Variants in MARF1 observed in about 807,000 individuals in gnomAD.
MARF1 encodes limkain-b1.
MARF1 carries 24 observed loss-of-function variants against 168.2 expected under a neutral mutation model. The observed-to-expected ratio is 0.14, with a 90% CI of 0.10 to 0.20. MARF1 has a LOEUF of 0.20. Among genes scored for constraint, MARF1 ranks in the 10% least tolerant of loss-of-function variants. The pLI is 1.00. For missense variants in MARF1, 1,744 were observed against 2,143.6 expected, an observed-to-expected ratio of 0.81 and a Z score of 3.68; for synonymous variants, 868 against 822.4, an observed-to-expected ratio of 1.06 and a Z score of -0.95.
rs1432648385 is a variant in MARF1, at chr16:15,600,476, G to A, written c.4765C>T (p.Pro1589Ser). 1 of 1,614,142 alleles carries A rather than the reference G, an allele frequency of 6.2e-7. No homozygotes were observed. Among genetic ancestry groups the A allele is most frequent in the East Asian group, 2.2e-5 (1 of 44,878 alleles). ...AGTTCCGAGGCTGTGTGCGATTCGG[G>A]CACCTCCAGGATGCGCTCGCCCTCC... is the stretch of plus-strand genomic sequence containing the variant. ...PSEGERILEV[P>S]ESHTASELKL... Residue 1589 changes from proline (P) to serine (S), a missense_variant, in exon 25 of 27, where the codon CCC becomes TCC. Around this residue, in one of 7 missense-constraint regions of MARF1, gnomAD observed 313 missense variants for 337.4 expected, o/e 0.93. Transcript: ENST00000396368.
chr16:15,598,761 C>A, intron 26 of MARF1, 93 bp downstream of exon 26: 1 of 1,282,082 alleles, frequency 7.8e-7, no homozygotes, highest in South Asian at 1.3e-5. Flanking sequence ...GGGGTAGTCC[C>A]TTCCCACCTC....
intron 13 of MARF1, among the ~76,000 whole-genome samples, chr16:15,620,063 G>A (rs910354277): frequency 3.3e-5 from 5 of 152,298 alleles, no homozygotes; most frequent in Non-Finnish European, 5.9e-5. Flanking sequence ...TACTCGGGAG[G>A]CTGAGGCATG....
Position 15,635,943 on chromosome 16 carries a change from C to G in MARF1, c.544G>C (p.Glu182Gln). The change falls in exon 3 of 27, where the codon GAG becomes CAG. Residue 182 changes from glutamate to glutamine, a missense_variant. This residue lies in a region of MARF1 where 318 missense variants were observed against 336.6 expected (regional missense o/e 0.94). Transcript: ENST00000396368. The part of the protein sequence containing the change: ...IASDFPSMCL[E>Q]SNLSSCKHLP... Reference sequence around the variant, plus strand: ...TGTTTGCAGGAAGACAGGTTACTCTCTAGACACATGCTGGGAAAGTCACTT... The same window carrying G: ...TGTTTGCAGGAAGACAGGTTACTCTGTAGACACATGCTGGGAAAGTCACTT... 6.2e-7 allele frequency: 1 copy of G among 1,614,126 alleles called. No homozygotes were observed. The highest frequency in any genetic ancestry group is 8.5e-7 in the Non-Finnish European group (1 of 1,180,040).
intron 4 of MARF1, among the ~76,000 whole-genome samples, chr16:15,634,529 A>G (rs2035457884): frequency 6.6e-6 from 1 of 152,070 alleles, no homozygotes; most frequent in South Asian, 2.1e-4. Context: ...TATACTACCA[A>G]TTTTTCTATA....
chr16:15,611,294 T>TA (rs1555523105), intron 18 of MARF1, among the ~76,000 whole-genome samples, 186 bp from the exon 19 acceptor site: 3 of 151,646 alleles, frequency 2.0e-5, no homozygotes, highest in Non-Finnish European at 4.4e-5. Flanking sequence ...CCGTCTCTAC[T>TA]AAAAAATAGA....
rs1329440070 is a variant in MARF1, at chr16:15,595,285, G to A, written c.*1408C>T. 6.6e-6 allele frequency: 1 copy of A among 152,470 alleles called. No individual in the cohort carries two copies. The highest frequency in any genetic ancestry group is 6.5e-5 in the Admixed American group (1 of 15,270). 9.4% of individuals were successfully genotyped at this position (152,470 alleles called of 1,614,324 possible). On this transcript the variant is annotated 3_prime_UTR_variant, in exon 27 of 27. Coordinates refer to ENST00000396368, the MANE Select transcript of MARF1 (RefSeq NM_014647.4). The stretch of plus-strand genomic sequence containing the variant: ...TCTGACTTGTAAAAATCTCTCTATA[G>A]CCCTTATTTTGTGGCATTTTATCAA...
At chr16:15,608,849 A>C in intron 20 of MARF1, 1 of 337,300 alleles carries the variant, frequency 3.0e-6, no homozygotes, top group Non-Finnish European at 5.5e-6. Context: ...TTAACTTAGC[A>C]ACAGCGAACA....
At chr16:15,626,707 C>T (rs1007387288) in intron 7 of MARF1, among the ~76,000 whole-genome samples, 5 of 152,026 alleles carry the variant, frequency 3.3e-5, no homozygotes, top group Admixed American at 6.5e-5. Flanking sequence ...CGCCTGTCAT[C>T]GCAACACTCT....
At chr16:15,608,602 A>G (rs2033236693) in intron 20 of MARF1, 84 bp from the exon 21 acceptor site, 3 of 980,454 alleles carry the variant, frequency 3.1e-6, no homozygotes, top group Non-Finnish European at 4.6e-6. Flanking sequence ...TGCAGCTAGT[A>G]ATGAAAAAAC....
At chr16:15,612,960 A>T (rs1056063294) in intron 16 of MARF1, among the ~76,000 whole-genome samples, 183 bp from the exon 17 acceptor site, 3 of 152,220 alleles carry the variant, frequency 2.0e-5, no homozygotes, top group Admixed American at 6.5e-5. Flanking sequence ...CTAGCTAACT[A>T]ACTTATTCAC....
chr16:15,640,856 G>A (rs1307939041), intron 1 of MARF1, among the ~76,000 whole-genome samples: 1 of 152,090 alleles, frequency 6.6e-6, no homozygotes, highest in Non-Finnish European at 1.5e-5. Flanking sequence ...AGACTGTATG[G>A]CCCACAAAGC....
chr16:15,609,340 A>G (rs1307776930), intron 20 of MARF1, among the ~76,000 whole-genome samples, 183 bp downstream of exon 20: 1 of 152,212 alleles, frequency 6.6e-6, no homozygotes, highest in Non-Finnish European at 1.5e-5. Flanking sequence ...TTGAAGGAAA[A>G]AGCCATATTT....
chr16:15,608,286 T>C lies in MARF1; in HGVS notation c.4182+5A>G. 1.0e-6 allele frequency: 1 copy of C among 1,002,574 alleles called. No individual in the cohort carries two copies. Among genetic ancestry groups the C allele is most frequent in the Non-Finnish European group, 1.5e-6 (1 of 664,430 alleles). The allele number at this position is 1,002,574 out of a possible 1,614,324, so 62.1% of individuals were successfully genotyped here. ...AAAAAAAAAAAAAAAAAAAAAAACATTTACCTTCACGACATGGCAGAGTTT... is the reference window on the plus strand; with the variant it reads ...AAAAAAAAAAAAAAAAAAAAAAACACTTACCTTCACGACATGGCAGAGTTT... On this transcript the variant is annotated splice_donor_5th_base_variant and intron_variant, in intron 21 of 26. Transcript: ENST00000396368.
In MARF1 at chr16:15,625,069, C is replaced by T. The variant is rs2034747577; in HGVS notation, c.2058G>A (p.Val686=). 3 of 1,614,102 alleles carry T rather than the reference C, an allele frequency of 1.9e-6. No homozygotes were observed. The change falls in exon 9 of 27, where the codon GTG becomes GTA. Residue 686 remains valine (V), a synonymous_variant. Transcript: ENST00000396368. ...VPTHGNSSAA[V]STPKNSGVAE... ...CCACCCCCGAGTTTTTCGGCGTCGA[C>T]ACTGCAGCACTTGAGTTACCGTGAG...
Position 15,639,298 on chromosome 16 carries a change from A to T in MARF1, c.-58-7T>A. The T allele has an allele frequency of 6.6e-7, 1 of 1,525,034 alleles. No individual in the cohort carries two copies. Among genetic ancestry groups the T allele is most frequent in the Non-Finnish European group, 8.9e-7 (1 of 1,128,062 alleles). The allele number at this position is 1,525,034 out of a possible 1,614,324, so 94.5% of individuals were successfully genotyped here. On this transcript the variant is annotated splice_polypyrimidine_tract_variant and splice_region_variant and intron_variant, in intron 1 of 26. Coordinates refer to ENST00000396368, the MANE Select transcript of MARF1 (RefSeq NM_014647.4). Reference sequence around the variant, plus strand: ...TTTCTTTCATTCTTCCACCCTGTTAAGAATGAGTAAGATTTCAGTGTTATT... The same window carrying T: ...TTTCTTTCATTCTTCCACCCTGTTATGAATGAGTAAGATTTCAGTGTTATT...
chr16:15,612,021 G>C (rs1341824265), intron 17 of MARF1, among the ~76,000 whole-genome samples: 1 of 152,198 alleles, frequency 6.6e-6, no homozygotes, highest in African/African-American at 2.4e-5. Flanking sequence ...CGTGAGTACA[G>C]AAATGAAAAC....
At chr16:15,629,874 A>G (rs999645996) in intron 7 of MARF1, among the ~76,000 whole-genome samples, 1 of 152,238 alleles carries the variant, frequency 6.6e-6, no homozygotes, top group African/African-American at 2.4e-5. Flanking sequence ...TAGAAAGCAC[A>G]GACTCAGAGG....
Position 15,608,325 on chromosome 16 carries a change from G to A in MARF1, c.4148C>T (p.Ser1383Leu), listed in dbSNP as rs779042389. The A allele has an allele frequency of 1.5e-5, 23 of 1,577,806 alleles. No individual in the cohort carries two copies. In the Admixed American group the frequency reaches 2.2e-4, roughly 15 times the overall value. The change falls in exon 21 of 27, where the codon TCG (serine) becomes TTG (leucine). Residue 1383 changes from serine (S) to leucine (L), a missense_variant. Ser to Leu is a moderately radical substitution (Grantham distance 145). Around this residue, in one of 7 missense-constraint regions of MARF1, gnomAD observed 543 missense variants for 742.1 expected, o/e 0.73. Transcript: ENST00000396368. ...ATGGCAGAGTTTCTGAGTTAAAGCCGAAATGGAACTGACATCATAGTCTTG... is the reference window on the plus strand; with the variant it reads ...ATGGCAGAGTTTCTGAGTTAAAGCCAAAATGGAACTGACATCATAGTCTTG... ...RLQDYDVSSI[S>L]ALTQKLCHVV...
At chr16:15,618,313 A>T (rs567734055) in intron 13 of MARF1, among the ~76,000 whole-genome samples, 245 of 152,126 alleles carry the variant, frequency 1.6e-3, no homozygotes, top group African/African-American at 5.6e-3. Flanking sequence ...CTACCAAACC[A>T]GCCCCTGGTC....
Sources: gnomAD v4.1 joint callset for allele counts (sites outside exome capture counted in the v4.1 genomes callset) on GRCh38, gnomAD v4.1.1 for gene constraint, gnomAD v4.1.1 regional missense constraint, MANE v1.5 for transcripts, NCBI Gene and HGNC (gene_info 2026-07-23, HGNC 2026-07-21) for gene names.